NBEAL1: variants seen among roughly 807,000 people sequenced by gnomAD.
NBEAL1 encodes the protein neurobeachin like 1.
A neutral mutation model predicts 351.3 loss-of-function variants in NBEAL1; 273 were observed. The observed-to-expected ratio is 0.78, with a 90% CI of 0.70 to 0.86. The LOEUF (loss-of-function observed/expected upper bound fraction) is 0.86, where lower values mean the gene tolerates loss of function less well. Ranked by LOEUF, NBEAL1 falls within the 40% of genes least tolerant of loss-of-function variation. NBEAL1 has a pLI of 0.00. For synonymous variants in NBEAL1, 1,050 were observed against 1,086.4 expected (o/e 0.97, Z 0.66); for missense variants, 2,961 against 3,201.3 (o/e 0.92, Z 1.81).
At chr2:203,038,899 C>T (rs1258192253) in intron 2 of NBEAL1, among the ~76,000 whole-genome samples, 1 of 148,598 alleles carries the variant, frequency 6.7e-6, no homozygotes, top group Non-Finnish European at 1.5e-5. Context: ...AGGCTGGTCT[C>T]GAATTCCTGG....
intron 7 of NBEAL1, among the ~76,000 whole-genome samples, chr2:203,075,702 G>A (rs1204275094): frequency 6.6e-6 from 1 of 152,184 alleles, no homozygotes; most frequent in East Asian, 1.9e-4. Flanking sequence ...TCAGCAAATG[G>A]CTGTGTTCTT....
intron 46 of NBEAL1, among the ~76,000 whole-genome samples, chr2:203,193,295 A>G (rs1193259242): frequency 6.6e-6 from 1 of 152,068 alleles, no homozygotes; most frequent in African/African-American, 2.4e-5. Flanking sequence ...TGATCTTGTC[A>G]AGGAATTAAA....
chr2:203,066,617 A>AGACGG (rs1405694995), intron 6 of NBEAL1, among the ~76,000 whole-genome samples: 1 of 152,118 alleles, frequency 6.6e-6, no homozygotes, highest in Non-Finnish European at 1.5e-5. Context: ...TACACTTCCC[A>AGACGG]GACGGGACGG....
At chr2:203,119,423 G>GTTTTTTTTTTTTTTTTTTTTTTTT (rs1559379701) in intron 18 of NBEAL1, among the ~76,000 whole-genome samples, 1 of 21,438 alleles carries the variant, frequency 4.7e-5, no homozygotes, top group Non-Finnish European at 1.4e-4. Flanking sequence ...ACGGCCTGTT[G>GTTTTTTTTTTTTTTTTTTTTTTTT]CTTTTTTTTT....
rs548631564 is a variant in NBEAL1, at chr2:203,128,003, C to T, written c.3405+66C>T. On this transcript the variant is annotated intron_variant, in intron 24 of 55. Coordinates refer to ENST00000683969, the MANE Select transcript of NBEAL1 (RefSeq NM_001378026.1). The stretch of plus-strand genomic sequence containing the variant: ...TTGAGTTGCTACATCATCTTCTGAA[C>T]GTATGTTTGTGTCTAGTTAAATATT... The T allele has an allele frequency of 3.5e-4, 419 of 1,204,202 alleles. 2 individuals carry two copies. The highest frequency in any genetic ancestry group is 1.3e-3 in the Admixed American group (58 of 43,256). The allele number at this position is 1,204,202 out of a possible 1,614,324, so 74.6% of individuals were successfully genotyped here. A position where few individuals can be genotyped will look rare whatever the true frequency, so the allele number is the denominator to read the frequency against.
intron 5 of NBEAL1, among the ~76,000 whole-genome samples, 179 bp downstream of exon 5, chr2:203,056,687 C>T (rs898459545): frequency 6.6e-6 from 1 of 152,196 alleles, no homozygotes. Context: ...CTGCCTCAGC[C>T]TCCCAAGTAG....
At position 203,138,682 on chromosome 2, in the gene NBEAL1, A is replaced by G. The variant is rs371476139; in HGVS notation, c.4782A>G (p.Val1594=). ...CAGTCTGCTATTCTGAAAGTCCAGTATGGGTAAAACTCTCTCAAATTCAGA... is the reference window on the plus strand; with the variant it reads ...CAGTCTGCTATTCTGAAAGTCCAGTGTGGGTAAAACTCTCTCAAATTCAGA... ...CLSVCYSESP[V]WVKLSQIQIQ... is the part of the protein sequence containing the mutation. The change falls in exon 31 of 56, where the codon GTA becomes GTG. Residue 1594 remains valine, a synonymous_variant. Transcript: ENST00000683969. The G allele has an allele frequency of 6.8e-6, 11 of 1,613,386 alleles. No homozygotes were observed. The Admixed American group carries it at 1.3e-4, about 20-fold the overall frequency.
At chr2:203,065,688 C>T (rs2061571583) in intron 6 of NBEAL1, among the ~76,000 whole-genome samples, 1 of 151,836 alleles carries the variant, frequency 6.6e-6, no homozygotes, top group Non-Finnish European at 1.5e-5. Context: ...GGAGGCGGAG[C>T]TTGCAGTGAG....
chr2:203,074,964 A>C (rs1187972934), intron 7 of NBEAL1: 1 of 152,430 alleles, frequency 6.6e-6, no homozygotes, highest in Non-Finnish European at 1.5e-5. Flanking sequence ...TGTTCCTCTG[A>C]GGATGTTTGG....
chr2:203,151,970 T>C (rs537976041), intron 35 of NBEAL1, among the ~76,000 whole-genome samples: 2 of 152,218 alleles, frequency 1.3e-5, no homozygotes, highest in East Asian at 3.9e-4. Flanking sequence ...TCTTTTCTTT[T>C]TTTTGAGACA....
intron 7 of NBEAL1, among the ~76,000 whole-genome samples, chr2:203,076,486 CA>C (rs1559349046): frequency 5.5e-4 from 5 of 9,132 alleles, no homozygotes; most frequent in African/African-American, 6.9e-4. Flanking sequence ...CAAAAACAAA[CA>C]AACAAACAAA....
At chr2:203,170,407 A>G (rs971445945) in intron 39 of NBEAL1, among the ~76,000 whole-genome samples, 10 of 152,120 alleles carry the variant, frequency 6.6e-5, no homozygotes, top group Non-Finnish European at 1.0e-4. Context: ...GGGTTTTAAA[A>G]TCTTAATAAT....
At position 203,130,408 on chromosome 2, in the gene NBEAL1, G is replaced by A; in HGVS notation, c.3496G>A (p.Ala1166Thr). The A allele has an allele frequency of 6.5e-7, 1 of 1,533,470 alleles. No homozygotes were observed. Among genetic ancestry groups the A allele is most frequent in the Non-Finnish European group, 8.8e-7 (1 of 1,140,462 alleles). 95.0% of individuals were successfully genotyped at this position (1,533,470 alleles called of 1,614,324 possible). The change falls in exon 25 of 56, where the codon GCT becomes ACT. Residue 1166 changes from alanine to threonine, a missense_variant. Transcript: ENST00000683969. The stretch of plus-strand genomic sequence containing the variant: ...CTTACTGCTTTTTGAACCAGGAAAT[G>A]CTGACATACTGTACGCATTGCTCTT... ...LFLLLFEPGN[A>T]DILYALLLNQ...
Position 203,068,379 on chromosome 2 carries a change from CT to C in NBEAL1, c.516-9del. ...CCATGTTGTAACTTATTATTAACTT[CT>C]TTTTAATGATAGACGAATCCTTAGT... On this transcript the variant is annotated splice_polypyrimidine_tract_variant and intron_variant, in intron 6 of 55. Transcript: ENST00000683969. 1.4e-6 allele frequency: 2 copies of C among 1,444,712 alleles called. No homozygotes were observed. Among genetic ancestry groups the C allele is most frequent in the African/African-American group, 1.4e-5 (1 of 70,394 alleles). The allele number at this position is 1,444,712 out of a possible 1,614,324, so 89.5% of individuals were successfully genotyped here.
chr2:203,153,984 G>C (rs1445339237), intron 35 of NBEAL1, among the ~76,000 whole-genome samples: 5 of 151,528 alleles, frequency 3.3e-5, no homozygotes, highest in Admixed American at 2.0e-4. Context: ...GGTGGCTCAC[G>C]CCTGTAATCC....
rs563132023 is a variant in NBEAL1, at chr2:203,218,215, G to A, written c.*861G>A. 6.6e-6 allele frequency: 1 copy of A among 152,256 alleles called. No individual in the cohort carries two copies. Among genetic ancestry groups the A allele is most frequent in the South Asian group, 2.1e-4 (1 of 4,824 alleles). 9.4% of individuals were successfully genotyped at this position (152,256 alleles called of 1,614,324 possible). A position where few individuals can be genotyped will look rare whatever the true frequency, so the allele number is the denominator to read the frequency against. ...TTGAATTTTTACTTAGGATATCTGT[G>A]TGATTGATGAATGAATTGAAAAGAT... On this transcript the variant is annotated 3_prime_UTR_variant, in exon 56 of 56. Transcript: ENST00000683969.
intron 33 of NBEAL1, among the ~76,000 whole-genome samples, chr2:203,148,063 A>G (rs1046628007): frequency 1.3e-5 from 2 of 152,064 alleles, no homozygotes; most frequent in African/African-American, 4.8e-5. Flanking sequence ...TGTTTTAAAT[A>G]TTTAGTAACA....
At chr2:203,032,551 T>C (rs1307460441) in intron 2 of NBEAL1, among the ~76,000 whole-genome samples, 3 of 150,670 alleles carry the variant, frequency 2.0e-5, no homozygotes, top group South Asian at 4.2e-4. Flanking sequence ...TCCCAGCTAC[T>C]TGGGAGGCTG....
At chr2:203,113,495 T>G (rs1308011576) in intron 17 of NBEAL1, among the ~76,000 whole-genome samples, 177 bp downstream of exon 17, 1 of 152,168 alleles carries the variant, frequency 6.6e-6, no homozygotes, top group African/African-American at 2.4e-5. Flanking sequence ...TCCACATACC[T>G]AATAGTTTTT....
Sources: allele counts gnomAD v4.1 joint callset (sites outside exome capture counted in the v4.1 genomes callset), GRCh38; gene constraint gnomAD v4.1.1; transcripts MANE v1.5; gene names NCBI Gene and HGNC (gene_info 2026-07-23, HGNC 2026-07-21).